The following DNAH5 variants were observed in gnomAD, a reference collection of about 807,000 sequenced individuals.
DNAH5 encodes the protein dynein axonemal heavy chain 5, also known as axonemal beta dynein heavy chain 5.
In DNAH5, 372 loss-of-function variants were observed where a neutral mutation model predicts 518.2. That is an observed-to-expected ratio of 0.72 (90% CI 0.66 to 0.78). The LOEUF is 0.78. Ranked by LOEUF, DNAH5 falls within the 30% of genes least tolerant of loss-of-function variation. The pLI is 0.00. For missense variants in DNAH5, 5,523 were observed against 5,687.0 expected, an observed-to-expected ratio of 0.97 and a Z score of 0.93; for synonymous variants, 2,039 against 2,025.9, an observed-to-expected ratio of 1.01 and a Z score of -0.17.
intron 11 of DNAH5, among the ~76,000 whole-genome samples, chr5:13,912,471 T>C (rs767808216): frequency 2.5e-4 from 31 of 124,446 alleles, no homozygotes; most frequent in Non-Finnish European, 4.9e-4. Context: ...GAATGTTATA[T>C]AAAATATATA....
chr5:13,984,777 T>C (rs1480545038), intron 1 of DNAH5, among the ~76,000 whole-genome samples: 1 of 152,226 alleles, frequency 6.6e-6, no homozygotes, highest in Admixed American at 6.5e-5. Flanking sequence ...TCTGCATCTA[T>C]TGAGATAATC....
At chr5:13,774,958 T>C (rs1181385180) in intron 55 of DNAH5, among the ~76,000 whole-genome samples, 4 of 152,212 alleles carry the variant, frequency 2.6e-5, no homozygotes, top group Admixed American at 2.6e-4. Context: ...TACTTGCATA[T>C]TGATAACTGT....
At chr5:13,812,647 T>C (rs1760873432) in intron 43 of DNAH5, among the ~76,000 whole-genome samples, 2 of 152,292 alleles carry the variant, frequency 1.3e-5, no homozygotes, top group South Asian at 4.1e-4. Context: ...TTACTACAAT[T>C]AGTTGTTTCT....
rs976147107 is a variant in DNAH5 at position 13,691,534 on chromosome 5, A to C, written c.*450T>G. 2.6e-5 allele frequency: 4 copies of C among 156,124 alleles called. No homozygotes were observed. Among genetic ancestry groups the C allele is most frequent in the African/African-American group, 9.6e-5 (4 of 41,470 alleles). The allele number at this position is 156,124 out of a possible 1,614,324, so 9.7% of individuals were successfully genotyped here. On this transcript the variant is annotated 3_prime_UTR_variant, in exon 79 of 79. Transcript: ENST00000265104. ...TTGGCTGCTTGAAACCCTGAAAATAAGTCTCTTAACTTGACCTAAATACGA... is the reference window on the plus strand; with the variant it reads ...TTGGCTGCTTGAAACCCTGAAAATACGTCTCTTAACTTGACCTAAATACGA...
chr5:13,754,204 T>C lies in DNAH5; in HGVS notation c.10554A>G (p.Val3518=). 1 of 1,614,082 alleles carries C rather than the reference T, an allele frequency of 6.2e-7. No individual in the cohort carries two copies. ...TCATTAATAAAGAAATTTACATACC[T>C]ACAAGTCTTTTAGTTTGTGCAGCAA... is the stretch of plus-strand genomic sequence containing the variant. ...QEFAAQTKRL[V]GDVLLATAFL... is the part of the protein sequence containing the mutation. The change falls in exon 62 of 79, where the codon GTA becomes GTG. Residue 3518 remains valine, a splice_region_variant and synonymous_variant. Transcript: ENST00000265104.
intron 59 of DNAH5, among the ~76,000 whole-genome samples, chr5:13,765,645 G>A (rs183522172): frequency 3.9e-5 from 6 of 152,140 alleles, no homozygotes; most frequent in South Asian, 4.2e-4. Context: ...TAAAAAAGCT[G>A]TAAATTAATA....
intron 1 of DNAH5, 145 bp from the exon 2 acceptor site, chr5:13,931,389 T>C (rs938664491): frequency 2.6e-6 from 2 of 782,710 alleles, no homozygotes; most frequent in African/African-American, 3.5e-5. Context: ...TTATGTACTA[T>C]CTTCTATTTT....
At chr5:13,709,400 TAAA>T (rs888993009) in intron 75 of DNAH5, among the ~76,000 whole-genome samples, 1 of 150,438 alleles carries the variant, frequency 6.6e-6, no homozygotes, top group African/African-American at 2.4e-5. Context: ...TTTTGTAATT[TAAA>T]AAAAAAAATT....
chr5:13,927,494 C>T (rs887836363), intron 3 of DNAH5, among the ~76,000 whole-genome samples: 4 of 151,706 alleles, frequency 2.6e-5, no homozygotes, highest in East Asian at 1.9e-4. Flanking sequence ...GGTGACAGAG[C>T]GAGACTCTGT....
At chr5:13,814,506 G>C (rs1761173703) in intron 43 of DNAH5, 99 bp downstream of exon 43, 1 of 1,211,108 alleles carries the variant, frequency 8.3e-7, no homozygotes, top group East Asian at 2.3e-5. Context: ...TAAAAATGCA[G>C]TTACACTGCC....
chr5:13,731,644 C>G (rs1332439320), intron 68 of DNAH5, among the ~76,000 whole-genome samples: 1 of 152,074 alleles, frequency 6.6e-6, no homozygotes, highest in African/African-American at 2.4e-5. Flanking sequence ...CCCTTCTTTC[C>G]TCAAACTCTT....
At chr5:13,770,707 C>A (rs1456588843) in intron 56 of DNAH5, 42 bp downstream of exon 56, 1 of 1,574,236 alleles carries the variant, frequency 6.4e-7, no homozygotes, top group African/African-American at 1.3e-5. Flanking sequence ...TGGTTGAGAG[C>A]CACGGCTTTA....
At chr5:13,981,574 C>T (rs758533389) in intron 1 of DNAH5, among the ~76,000 whole-genome samples, 18 of 152,180 alleles carry the variant, frequency 1.2e-4, no homozygotes, top group Non-Finnish European at 1.9e-4. Flanking sequence ...AATGTGCTGG[C>T]TCTCTCCCCC....
At chr5:13,702,701 G>A (rs1362806620) in intron 76 of DNAH5, among the ~76,000 whole-genome samples, 1 of 152,150 alleles carries the variant, frequency 6.6e-6, no homozygotes, top group Non-Finnish European at 1.5e-5. Context: ...GGTCAAAGCT[G>A]ATTCTGAGTC....
Position 13,721,170 on chromosome 5 carries a change from C to T in DNAH5, c.12109G>A (p.Glu4037Lys). 1.2e-6 allele frequency: 2 copies of T among 1,614,130 alleles called. No individual in the cohort carries two copies. The highest frequency in any genetic ancestry group is 1.7e-6 in the Non-Finnish European group (2 of 1,179,998). Residue 4037 changes from glutamate to lysine, a missense_variant, in exon 71 of 79, where the codon GAG (glutamate) becomes AAG (lysine). By Grantham distance (56) the Glu-to-Lys change is moderately conservative. Around this residue, in one of 3 missense-constraint regions of DNAH5, gnomAD observed 5,121 missense variants for 5,223.3 expected, o/e 0.98. Transcript: ENST00000265104. ...GVILDLEKTWEESDPRTPLIC... is the reference protein window; with the variant it reads ...GVILDLEKTWKESDPRTPLIC... ...AGTGGCGTCCGTGGATCAGATTCCTCCCACGTCTTCTCCAAGTCTAAAATA... is the reference window on the plus strand; with the variant it reads ...AGTGGCGTCCGTGGATCAGATTCCTTCCACGTCTTCTCCAAGTCTAAAATA...
At chr5:13,843,520 C>T (rs1210462265) in intron 32 of DNAH5, among the ~76,000 whole-genome samples, 1 of 152,144 alleles carries the variant, frequency 6.6e-6, no homozygotes, top group African/African-American at 2.4e-5. Flanking sequence ...TTGGGAATAG[C>T]ATCTTTGCAG....
At chr5:13,823,702 A>G (rs1463371237) in intron 39 of DNAH5, among the ~76,000 whole-genome samples, 1 of 152,258 alleles carries the variant, frequency 6.6e-6, no homozygotes, top group Admixed American at 6.5e-5. Flanking sequence ...TTTAAATTAG[A>G]AATTAATAGC....
chr5:13,772,021 A>T (rs949899334), intron 55 of DNAH5, among the ~76,000 whole-genome samples: 1 of 152,218 alleles, frequency 6.6e-6, no homozygotes, highest in Non-Finnish European at 1.5e-5. Context: ...ACAGTTTACC[A>T]TATACCAAAA....
Position 13,921,436 on chromosome 5 carries a change from G to GTCTGTCTC in DNAH5, c.660+670_660+671insGAGACAGA, listed in dbSNP as rs1777246279. Among the ~76,000 whole-genome samples the GTCTGTCTC allele has an allele frequency of 4.0e-5, 5 of 125,248 alleles. No individual in the cohort carries two copies. The South Asian group carries it at 1.4e-3, about 36-fold the overall frequency. The allele number at this position is 125,248 out of a possible 152,430, so 82.2% of individuals were successfully genotyped here. A position where few individuals can be genotyped will look rare whatever the true frequency, so the allele number is the denominator to read the frequency against. The stretch of plus-strand genomic sequence containing the variant: ...CTTCTCTCTCTCTCCCTCTCTCTCT[G>GTCTGTCTC]TCTCTCTCTCTCTCTCTCTCTCTTG... On this transcript the variant is annotated intron_variant, in intron 5 of 78. Coordinates refer to ENST00000265104, the MANE Select transcript of DNAH5 (RefSeq NM_001369.3).
Sources: allele counts gnomAD v4.1 joint callset (sites outside exome capture counted in the v4.1 genomes callset), GRCh38; gene constraint gnomAD v4.1.1; regional missense constraint gnomAD v4.1.1; transcripts MANE v1.5; gene names NCBI Gene and HGNC (gene_info 2026-07-23, HGNC 2026-07-21).